Variants in CCSER1 observed in about 807,000 individuals in gnomAD.
CCSER1 encodes the protein coiled-coil serine rich protein 1.
In CCSER1, 41 loss-of-function variants were observed where a neutral mutation model predicts 82.0. The observed-to-expected ratio is 0.50, with a 90% CI of 0.39 to 0.65. The LOEUF (loss-of-function observed/expected upper bound fraction) is 0.65. Among genes scored for constraint, CCSER1 ranks in the 30% least tolerant of loss-of-function variants. The pLI is 0.00. For missense variants in CCSER1, 1,119 were observed against 1,064.2 expected (o/e 1.05, Z -0.72); for synonymous variants, 414 against 383.9 (o/e 1.08, Z -0.92).
chr4:91,513,433 T>C (rs750637936), intron 10 of CCSER1, among the ~76,000 whole-genome samples: 5 of 152,130 alleles, frequency 3.3e-5, no homozygotes, highest in Non-Finnish European at 5.9e-5. Flanking sequence ...CCTTTTCCCA[T>C]GAGTCTTTGC....
chr4:90,941,752 A>T (rs2150329059), intron 9 of CCSER1, among the ~76,000 whole-genome samples: 1 of 152,278 alleles, frequency 6.6e-6, no homozygotes, highest in East Asian at 1.9e-4. Context: ...CACCTTGAAA[A>T]ACAAACAGTA....
intron 4 of CCSER1, among the ~76,000 whole-genome samples, chr4:90,460,665 C>A (rs973682861): frequency 6.6e-6 from 1 of 152,064 alleles, no homozygotes; most frequent in African/African-American, 2.4e-5. Flanking sequence ...ATGATATTAG[C>A]CTTAAATAAT....
chr4:90,147,309 C>T (rs1250766392), intron 1 of CCSER1, among the ~76,000 whole-genome samples: 1 of 152,030 alleles, frequency 6.6e-6, no homozygotes, highest in Non-Finnish European at 1.5e-5. Context: ...AATAGAGACA[C>T]AGAAAACTCA....
intron 10 of CCSER1, among the ~76,000 whole-genome samples, chr4:91,446,117 T>A (rs992937907): frequency 1.6e-4 from 25 of 152,262 alleles, no homozygotes; most frequent in African/African-American, 6.0e-4. Flanking sequence ...ATTGTTTTAA[T>A]GCCTAGTAAG....
chr4:90,787,702 T>C (rs1754704582), intron 7 of CCSER1, among the ~76,000 whole-genome samples: 1 of 152,208 alleles, frequency 6.6e-6, no homozygotes, highest in Admixed American at 6.5e-5. Context: ...AAAAGGAATT[T>C]GAACAATTGT....
At chr4:91,292,131 T>TC (rs1743795469) in intron 10 of CCSER1, among the ~76,000 whole-genome samples, 1 of 151,972 alleles carries the variant, frequency 6.6e-6, no homozygotes, top group Non-Finnish European at 1.5e-5. Flanking sequence ...CAAGAGCAAG[T>TC]CCAGGAGCAT....
At chr4:90,437,331 A>G (rs189810116) in intron 4 of CCSER1, among the ~76,000 whole-genome samples, 3 of 152,276 alleles carry the variant, frequency 2.0e-5, no homozygotes, top group Admixed American at 6.5e-5. Context: ...GTGTACATAT[A>G]TAATCTATAG....
At chr4:91,499,925 A>C (rs1242563617) in intron 10 of CCSER1, among the ~76,000 whole-genome samples, 1 of 152,092 alleles carries the variant, frequency 6.6e-6, no homozygotes, top group African/African-American at 2.4e-5. Context: ...TGAATAAAGC[A>C]GTTATAAATA....
intron 1 of CCSER1, among the ~76,000 whole-genome samples, chr4:90,163,078 T>C (rs1247832770): frequency 1.3e-5 from 2 of 152,178 alleles, no homozygotes; most frequent in African/African-American, 4.8e-5. Flanking sequence ...ATAATTATTT[T>C]CAACTTTTTT....
At chr4:90,344,351 T>A (rs991525915) in intron 3 of CCSER1, among the ~76,000 whole-genome samples, 1 of 152,208 alleles carries the variant, frequency 6.6e-6, no homozygotes, top group African/African-American at 2.4e-5. Context: ...TAACTTAGTC[T>A]TCTCCTAAAG....
Position 90,610,209 on chromosome 4 carries a change from C to T in CCSER1, c.1725-17816C>T, listed in dbSNP as rs554461106. On this transcript the variant is annotated intron_variant, in intron 5 of 10. Coordinates refer to ENST00000509176, the MANE Select transcript of CCSER1 (RefSeq NM_001145065.2). ...CGGAGCTTGCAGTGAGCCAAGATTG[C>T]GCCACTGCACTCCAGACTGGGCGAC... is the stretch of plus-strand genomic sequence containing the variant. 1.7e-4 allele frequency among the ~76,000 whole-genome samples: 25 copies of T among 151,476 alleles called. No individual in the cohort carries two copies. The South Asian group carries it at 1.9e-3, about 11-fold the overall frequency.
At chr4:91,195,771 C>T (rs900271705) in intron 10 of CCSER1, among the ~76,000 whole-genome samples, 4 of 152,158 alleles carry the variant, frequency 2.6e-5, no homozygotes, top group Non-Finnish European at 5.9e-5. Context: ...CATCATTCTG[C>T]GTGGATTACT....
chr4:90,301,004 T>C (rs1285795639), intron 1 of CCSER1, among the ~76,000 whole-genome samples: 4 of 151,986 alleles, frequency 2.6e-5, no homozygotes, highest in African/African-American at 9.7e-5. Context: ...TAATTTTTTT[T>C]TCTTTTTTTC....
intron 10 of CCSER1, among the ~76,000 whole-genome samples, chr4:91,493,755 T>C (rs1188889967): frequency 6.6e-6 from 1 of 151,688 alleles, no homozygotes; most frequent in Non-Finnish European, 1.5e-5. Context: ...ACTCATGAGG[T>C]GATTCCTTAT....
At chr4:90,817,578 A>G (rs1759180474) in intron 8 of CCSER1, among the ~76,000 whole-genome samples, 1 of 152,130 alleles carries the variant, frequency 6.6e-6, no homozygotes, top group South Asian at 2.1e-4. Flanking sequence ...ATCAAGCAGC[A>G]TTTTAATTTT....
At chr4:90,490,204 G>A (rs1214173692) in intron 5 of CCSER1, among the ~76,000 whole-genome samples, 1 of 152,008 alleles carries the variant, frequency 6.6e-6, no homozygotes, top group East Asian at 1.9e-4. Flanking sequence ...ACTTTTTAAT[G>A]ATTGCCATTC....
chr4:91,246,132 A>T (rs1739755094), intron 10 of CCSER1, among the ~76,000 whole-genome samples: 1 of 152,234 alleles, frequency 6.6e-6, no homozygotes. Flanking sequence ...ACTGAATAAT[A>T]AATCAAAAAT....
intron 5 of CCSER1, among the ~76,000 whole-genome samples, chr4:90,605,180 G>T (rs1304385206): frequency 6.6e-6 from 1 of 152,108 alleles, no homozygotes; most frequent in African/African-American, 2.4e-5. Flanking sequence ...CGATACGTTG[G>T]AACATTAGAA....
At chr4:90,803,994 G>C (rs183331393) in intron 7 of CCSER1, among the ~76,000 whole-genome samples, 1 of 152,202 alleles carries the variant, frequency 6.6e-6, no homozygotes, top group Admixed American at 6.5e-5. Flanking sequence ...ATGTCTGTTG[G>C]CTGCATAAAT....
Sources: gnomAD v4.1 joint callset for allele counts (sites outside exome capture counted in the v4.1 genomes callset) on GRCh38, gnomAD v4.1.1 for gene constraint, MANE v1.5 for transcripts, NCBI Gene and HGNC (gene_info 2026-07-23, HGNC 2026-07-21) for gene names.